The following KCNJ15 variants were observed in gnomAD, a reference collection of about 807,000 sequenced individuals.
KCNJ15 encodes ATP-sensitive inward rectifier potassium channel 15.
In KCNJ15, 14 loss-of-function variants were observed where a neutral mutation model predicts 23.0. That is an observed-to-expected ratio of 0.61 (90% CI 0.40 to 0.95). KCNJ15 has a LOEUF of 0.95. Ranked by LOEUF, KCNJ15 falls within the 40% of genes least tolerant of loss-of-function variation. The pLI is 0.00. For missense variants in KCNJ15, 388 were observed against 461.8 expected (o/e 0.84, Z 1.46); for synonymous variants, 185 against 183.2 (o/e 1.01, Z -0.08).
chr21:38,305,745 T>TA lies in KCNJ15; in HGVS notation c.*5357dup, dbSNP rs1443323952. 6.6e-6 allele frequency: 1 copy of TA among 152,236 alleles called. No homozygotes were observed. The highest frequency in any genetic ancestry group is 1.5e-5 in the Non-Finnish European group (1 of 68,036). The allele number at this position is 152,236 out of a possible 1,614,324, so 9.4% of individuals were successfully genotyped here. Reference sequence around the variant, plus strand: ...AACTGAAACTCCTGTCCTGAATAGTTATTTGCCAAATCTGACAAATTTACA... The same window carrying TA: ...AACTGAAACTCCTGTCCTGAATAGTTAATTTGCCAAATCTGACAAATTTACA... On this transcript the variant is annotated 3_prime_UTR_variant, in exon 3 of 3. Transcript: ENST00000398938.
In KCNJ15 at chr21:38,277,762, A is replaced by G. The variant is rs190813336; in HGVS notation, c.-116-19164A>G. Among the ~76,000 whole-genome samples the G allele has an allele frequency of 3.3e-3, 508 of 152,344 alleles. 3 individuals carry two copies. Among genetic ancestry groups the G allele is most frequent in the African/African-American group, 0.012 (488 of 41,584 alleles). On this transcript the variant is annotated intron_variant, in intron 1 of 2. Coordinates refer to ENST00000398938, the MANE Select transcript of KCNJ15 (RefSeq NM_170736.3). ...CACTATAAATCACTCTCAAAAAGCA[A>G]TTTAGACAACTACGCAGGTAATGAT...
chr21:38,275,828 G>C (rs1453991417), intron 1 of KCNJ15, among the ~76,000 whole-genome samples: 1 of 152,116 alleles, frequency 6.6e-6, no homozygotes, highest in African/African-American at 2.4e-5. Context: ...AATTCCCCTT[G>C]TCTGTAATCT....
At chr21:38,280,861 A>G (rs922237476) in intron 1 of KCNJ15, among the ~76,000 whole-genome samples, 3 of 152,208 alleles carry the variant, frequency 2.0e-5, no homozygotes, top group Admixed American at 6.5e-5. Context: ...TCACTGATGG[A>G]ATAAATTACC....
rs1985975656 is a variant in KCNJ15, at chr21:38,304,516, CTGAT to C, written c.*4130_*4133del. 2 of 151,752 alleles carry C rather than the reference CTGAT, an allele frequency of 1.3e-5. 1 individual carries two copies. Among genetic ancestry groups the C allele is most frequent in the South Asian group, 4.2e-4 (2 of 4,814 alleles). The allele number at this position is 151,752 out of a possible 1,614,324, so 9.4% of individuals were successfully genotyped here. On this transcript the variant is annotated 3_prime_UTR_variant, in exon 3 of 3. Transcript: ENST00000398938. ...GTGGTGTGCACTCGAAATCTAGTCTCTGATTGTTAAACTCTGGGTAGGTACAAGA... is the reference window on the plus strand; with the variant it reads ...GTGGTGTGCACTCGAAATCTAGTCTCTGTTAAACTCTGGGTAGGTACAAGA...
intron 1 of KCNJ15, among the ~76,000 whole-genome samples, chr21:38,293,965 T>C (rs1189060484): frequency 2.0e-5 from 3 of 152,250 alleles, no homozygotes; most frequent in South Asian, 4.1e-4. Flanking sequence ...TGCTGCGTAG[T>C]GTAGGGAGGA....
At chr21:38,241,255 C>CT (rs1283140546) in intron 1 of KCNJ15, among the ~76,000 whole-genome samples, 1 of 152,146 alleles carries the variant, frequency 6.6e-6, no homozygotes, top group Non-Finnish European at 1.5e-5. Flanking sequence ...TAAGATTTTT[C>CT]TTTTTCTTCC....
chr21:38,270,329 G>T (rs2123642148), intron 1 of KCNJ15, among the ~76,000 whole-genome samples: 1 of 152,288 alleles, frequency 6.6e-6, no homozygotes, highest in Non-Finnish European at 1.5e-5. Context: ...ACTTGGCTGA[G>T]CTAGAATCAG....
intron 1 of KCNJ15, among the ~76,000 whole-genome samples, chr21:38,266,251 T>C (rs1395116243): frequency 6.6e-6 from 1 of 152,226 alleles, no homozygotes; most frequent in Non-Finnish European, 1.5e-5. Context: ...ACCCGTCATC[T>C]ACATTAGGTA....
chr21:38,290,618 G>C (rs540837243), intron 1 of KCNJ15, among the ~76,000 whole-genome samples: 3 of 152,190 alleles, frequency 2.0e-5, no homozygotes, highest in Non-Finnish European at 2.9e-5. Flanking sequence ...TTGAAGACAG[G>C]TTCTTGGGAA....
chr21:38,245,159 G>A (rs1223389431), intron 1 of KCNJ15, among the ~76,000 whole-genome samples: 1 of 151,916 alleles, frequency 6.6e-6, no homozygotes, highest in Non-Finnish European at 1.5e-5. Flanking sequence ...GGCAAGGCGG[G>A]GCTGGAGACC....
intron 1 of KCNJ15, among the ~76,000 whole-genome samples, chr21:38,234,342 A>T (rs773795100): frequency 1.3e-5 from 2 of 152,212 alleles, no homozygotes; most frequent in African/African-American, 2.4e-5. Context: ...TCTTCTTCCA[A>T]TGTGGCCTAG....
At position 38,300,181 on chromosome 21, in the gene KCNJ15, G is replaced by A; in HGVS notation, c.920G>A (p.Trp307Ter). ...RTSYIPEEIYWGFEFVPVVSL... is the reference protein window; with the variant it reads ...RTSYIPEEIY ...TCTTATATCCCAGAGGAAATCTACT[G>A]GGGTTTTGAGTTTGTGCCTGTGGTA... is the stretch of plus-strand genomic sequence containing the variant. Residue 307 changes from tryptophan (W) to a stop codon, truncating the protein, a stop_gained, in exon 3 of 3, where the codon TGG becomes TAG. Transcript: ENST00000398938. LOFTEE classifies it high-confidence loss of function. 1 of 1,614,136 alleles carries A rather than the reference G, an allele frequency of 6.2e-7. No homozygotes were observed. The highest frequency in any genetic ancestry group is 1.1e-5 in the South Asian group (1 of 91,088).
chr21:38,279,935 T>G (rs1439270034), intron 1 of KCNJ15, among the ~76,000 whole-genome samples: 2 of 152,122 alleles, frequency 1.3e-5, no homozygotes, highest in Non-Finnish European at 2.9e-5. Flanking sequence ...TTCCTGAAAG[T>G]TCAATGTCTT....
Position 38,300,191 on chromosome 21 carries a change from GT to G in KCNJ15, c.933del (p.Phe311LeufsTer55). The G allele has an allele frequency of 6.2e-7, 1 of 1,614,172 alleles. No individual in the cohort carries two copies. The highest frequency in any genetic ancestry group is 1.1e-5 in the South Asian group (1 of 91,084). ...IPEEIYWGFE[F>X]VPVVSLSKNG... ...CAGAGGAAATCTACTGGGGTTTTGA[GT>G]TTGTGCCTGTGGTATCTCTCTCCAA... On this transcript the variant is annotated frameshift_variant, in exon 3 of 3. Transcript: ENST00000398938. LOFTEE classifies it high-confidence loss of function.
chr21:38,257,349 G>C (rs996220127), intron 1 of KCNJ15, among the ~76,000 whole-genome samples, 164 bp downstream of exon 1: 2 of 152,152 alleles, frequency 1.3e-5, no homozygotes, highest in Non-Finnish European at 2.9e-5. Flanking sequence ...TACAAGTGCT[G>C]TTTGCATGTG....
At chr21:38,295,786 A>C (rs1419366690) in intron 1 of KCNJ15, among the ~76,000 whole-genome samples, 1 of 152,206 alleles carries the variant, frequency 6.6e-6, no homozygotes, top group African/African-American at 2.4e-5. Flanking sequence ...TCTGCTGAGG[A>C]ATAAAATTCT....
intron 1 of KCNJ15, among the ~76,000 whole-genome samples, chr21:38,269,988 C>T (rs1446131119): frequency 6.6e-6 from 1 of 152,170 alleles, no homozygotes; most frequent in Non-Finnish European, 1.5e-5. Context: ...AGGCCCCCCG[C>T]CCTGTTCAAT....
Position 38,304,629 on chromosome 21 carries a change from C to T in KCNJ15, c.*4240C>T, listed in dbSNP as rs1007577460. 2.1e-5 allele frequency: 3 copies of T among 139,934 alleles called. No homozygotes were observed. The highest frequency in any genetic ancestry group is 7.5e-5 in the Admixed American group (1 of 13,422). The allele number at this position is 139,934 out of a possible 1,614,324, so 8.7% of individuals were successfully genotyped here. On this transcript the variant is annotated 3_prime_UTR_variant, in exon 3 of 3. Coordinates refer to ENST00000398938, the MANE Select transcript of KCNJ15 (RefSeq NM_170736.3). ...ACATTCACTTCTAAATGGTTAACTG[C>T]ATACACTTTACCCTTTGTAAACTTC... is the stretch of plus-strand genomic sequence containing the variant.
At chr21:38,283,810 CAT>C (rs1204350649) in intron 1 of KCNJ15, among the ~76,000 whole-genome samples, 1 of 149,410 alleles carries the variant, frequency 6.7e-6, no homozygotes, top group African/African-American at 2.5e-5. Context: ...AGAATGTTCA[CAT>C]GTCTTTTAAA....
Sources: gnomAD v4.1 joint callset for allele counts (sites outside exome capture counted in the v4.1 genomes callset) on GRCh38, gnomAD v4.1.1 for gene constraint, MANE v1.5 for transcripts, NCBI Gene and HGNC (gene_info 2026-07-23, HGNC 2026-07-21) for gene names.